DYNC2I2: variants seen among roughly 807,000 people sequenced by gnomAD.
DYNC2I2 encodes cytoplasmic dynein 2 intermediate chain 2.
DYNC2I2 carries 39 observed loss-of-function variants against 52.0 expected under a neutral mutation model. That is an observed-to-expected ratio of 0.75 (90% CI 0.58 to 0.98). The LOEUF is 0.98. DYNC2I2 is among the 50% of genes least tolerant of loss of function. DYNC2I2 has a pLI of 0.00. For synonymous variants in DYNC2I2, 359 were observed against 321.1 expected (o/e 1.12, Z -1.26); for missense variants, 743 against 728.4 (o/e 1.02, Z -0.23).
At chr9:128,679,259 C>A in the DYNC2I2 span, among the ~76,000 whole-genome samples, 1 of 151,960 alleles carries the variant, frequency 6.6e-6, no homozygotes, top group Non-Finnish European at 1.5e-5. Context: ...GCTCGCTTGC[C>A]CTTTGTAAAA....
chr9:128,665,872 A>G, the DYNC2I2 span, among the ~76,000 whole-genome samples: 1 of 148,942 alleles, frequency 6.7e-6, no homozygotes, highest in Non-Finnish European at 1.5e-5. Flanking sequence ...GGAGTTCAAC[A>G]CCACCCTGAC....
intron 1 of DYNC2I2, 50 bp downstream of exon 1, chr9:128,656,491 C>A (rs1394869438): frequency 1.6e-6 from 2 of 1,223,404 alleles, no homozygotes; most frequent in Non-Finnish European, 1.0e-6. Context: ...AGCCGCGCTG[C>A]GACCCCGCCT....
chr9:128,662,848 G>A, the DYNC2I2 span, among the ~76,000 whole-genome samples: 1 of 152,078 alleles, frequency 6.6e-6, no homozygotes, highest in Non-Finnish European at 1.5e-5. Flanking sequence ...ACAGGAGTGA[G>A]CCACTGCACC....
At chr9:128,673,124 C>T in the DYNC2I2 span, among the ~76,000 whole-genome samples, 1 of 152,158 alleles carries the variant, frequency 6.6e-6, no homozygotes, top group Non-Finnish European at 1.5e-5. Flanking sequence ...CAGGACTTAG[C>T]TGCTCAGATG....
rs893838509 is a variant in DYNC2I2 at position 128,650,961 on chromosome 9, C to A, written c.186+5580G>T. The A allele has an allele frequency of 1.7e-4, 10 of 58,498 alleles. 3 individuals are homozygous for A. The highest frequency in any genetic ancestry group is 3.4e-4 in the African/African-American group (10 of 29,470). The allele number at this position is 58,498 out of a possible 1,614,324, so 3.6% of individuals were successfully genotyped here. On this transcript the variant is annotated intron_variant, in intron 1 of 8. Coordinates refer to ENST00000372715, the MANE Select transcript of DYNC2I2 (RefSeq NM_052844.4). ...CCAGGCTAGGAGCACAACCGGCACC[C>A]AGAATCTGTCGCCGCTGCTTGAACA...
At position 128,656,706 on chromosome 9, in the gene DYNC2I2, C is replaced by A. The variant is rs771586181; in HGVS notation, c.21G>T (p.Pro7=). 1.5e-5 allele frequency: 21 copies of A among 1,436,392 alleles called. No homozygotes were observed. Among genetic ancestry groups the A allele is most frequent in the African/African-American group, 5.9e-5 (4 of 67,310 alleles). 89.0% of individuals were successfully genotyped at this position (1,436,392 alleles called of 1,614,324 possible). A position where few individuals can be genotyped will look rare whatever the true frequency, so the allele number is the denominator to read the frequency against. The change falls in exon 1 of 9, where the codon CCG becomes CCT. Residue 7 remains proline, a synonymous_variant. Coordinates refer to ENST00000372715, the MANE Select transcript of DYNC2I2 (RefSeq NM_052844.4). ...CGCTTCCCGCCTGGCTGAGTGGCCC[C>A]GGCTGCGCGCGGGTTGCCATGGAGA... MATRAQ[P]GPLSQAGSAG...
chr9:128,648,814 G>A (rs111322555), intron 1 of DYNC2I2, among the ~76,000 whole-genome samples: 4,163 of 77,954 alleles, frequency 0.053, 228 homozygotes, highest in African/African-American at 0.17. Flanking sequence ...AAAAAAAAAA[G>A]AGAGAGAGAA....
At chr9:128,656,220 CACAAA>C (rs984942870) in intron 1 of DYNC2I2, among the ~76,000 whole-genome samples, 2 of 149,494 alleles carry the variant, frequency 1.3e-5, no homozygotes, top group Admixed American at 1.3e-4. Context: ...AAAAAAAAAA[CACAAA>C]ACAAAACCAA....
chr9:128,648,648 A>AT (rs1860664720), intron 1 of DYNC2I2, among the ~76,000 whole-genome samples: 2 of 151,326 alleles, frequency 1.3e-5, no homozygotes, highest in Non-Finnish European at 2.9e-5. Flanking sequence ...AAAAAAAAAA[A>AT]AATTAGCCAA....
At chr9:128,682,672 CTT>C in the DYNC2I2 span, among the ~76,000 whole-genome samples, 107 of 120,618 alleles carry the variant, frequency 8.9e-4, no homozygotes, top group Non-Finnish European at 1.5e-3. Context: ...GGGACCTTGT[CTT>C]TTTTTTTTTT....
Position 128,634,674 on chromosome 9 carries a change from G to C in DYNC2I2, c.1214+15C>G. Reference sequence around the variant, plus strand: ...ACACCCTGGCCCCACTGTGCCCCAGGCCTGCCCTACGTACCTGTGGAAGGG... The same window carrying C: ...ACACCCTGGCCCCACTGTGCCCCAGCCCTGCCCTACGTACCTGTGGAAGGG... On this transcript the variant is annotated intron_variant, in intron 7 of 8. Transcript: ENST00000372715. 1 of 1,522,868 alleles carries C rather than the reference G, an allele frequency of 6.6e-7. No homozygotes were observed. Among genetic ancestry groups the C allele is most frequent in the Non-Finnish European group, 8.8e-7 (1 of 1,130,490 alleles). 94.3% of individuals were successfully genotyped at this position (1,522,868 alleles called of 1,614,324 possible). A position where few individuals can be genotyped will look rare whatever the true frequency, so the allele number is the denominator to read the frequency against.
chr9:128,684,323 C>T, the DYNC2I2 span, among the ~76,000 whole-genome samples: 3 of 152,112 alleles, frequency 2.0e-5, no homozygotes, highest in East Asian at 5.8e-4. Context: ...CCCTCCTTCA[C>T]CCCTCCACAT....
At chr9:128,673,101 C>A in the DYNC2I2 span, among the ~76,000 whole-genome samples, 1 of 152,166 alleles carries the variant, frequency 6.6e-6, no homozygotes, top group African/African-American at 2.4e-5. Context: ...AGGAAACAAT[C>A]ATGTATATGT....
At chr9:128,645,260 C>A (rs1860593113) in intron 1 of DYNC2I2, among the ~76,000 whole-genome samples, 1 of 151,994 alleles carries the variant, frequency 6.6e-6, no homozygotes, top group South Asian at 2.1e-4. Flanking sequence ...CTTTGGGAGG[C>A]CAAGGCGGGC....
chr9:128,677,021 T>C, the DYNC2I2 span, among the ~76,000 whole-genome samples: 2 of 151,946 alleles, frequency 1.3e-5, no homozygotes, highest in African/African-American at 2.4e-5. Context: ...GCTAATTTTT[T>C]GTATTTTTAG....
the DYNC2I2 span, among the ~76,000 whole-genome samples, chr9:128,664,343 C>T: frequency 6.6e-6 from 1 of 152,016 alleles, no homozygotes; most frequent in Non-Finnish European, 1.5e-5. Flanking sequence ...GGAAATATTA[C>T]CTTATTTTGT....
At position 128,634,071 on chromosome 9, in the gene DYNC2I2, T is replaced by G. The variant is rs1434445002; in HGVS notation, c.1373-89A>C. The G allele has an allele frequency of 2.6e-6, 4 of 1,561,576 alleles. No homozygotes were observed. The East Asian group carries it at 6.7e-5, about 26-fold the overall frequency. ...AGGCTAATGCCCGGGTTCAATCCTGTTGTGTGCAGCCACAGTGGCTTTGAG... is the reference window on the plus strand; with the variant it reads ...AGGCTAATGCCCGGGTTCAATCCTGGTGTGTGCAGCCACAGTGGCTTTGAG... On this transcript the variant is annotated intron_variant, in intron 8 of 8. Coordinates refer to ENST00000372715, the MANE Select transcript of DYNC2I2 (RefSeq NM_052844.4).
Position 128,636,346 on chromosome 9 carries a change from A to G in DYNC2I2, c.638T>C (p.Val213Ala). 6.2e-7 allele frequency: 1 copy of G among 1,605,188 alleles called. No homozygotes were observed. The highest frequency in any genetic ancestry group is 8.5e-7 in the Non-Finnish European group (1 of 1,176,324). ...RDLRPQQPSA[V>A]VEVPSAVLCL... ...CAGGACAGCGCTGGGGACCTCCACCACGGCCGACGGCTGCTGGGGACGCAG... is the reference window on the plus strand; with the variant it reads ...CAGGACAGCGCTGGGGACCTCCACCGCGGCCGACGGCTGCTGGGGACGCAG... The change falls in exon 4 of 9, where the codon GTG (valine) becomes GCG (alanine). Residue 213 changes from valine to alanine, a missense_variant. Physicochemically the swap from Val to Ala is moderately conservative, Grantham distance 64. Transcript: ENST00000372715.
rs1554770847 is a variant in DYNC2I2 at position 128,634,284 on chromosome 9, C to A, written c.1314G>T (p.Leu438=). 5.5e-5 allele frequency: 89 copies of A among 1,613,768 alleles called. No homozygotes were observed. The highest frequency in any genetic ancestry group is 8.5e-7 in the Non-Finnish European group (1 of 1,179,994). Reference sequence around the variant, plus strand: ...GCACTGGGGACCAGCGCACAGCAAACAGATACTTGAGGGAGAGCTGCAGCG... The same window carrying A: ...GCACTGGGGACCAGCGCACAGCAAAAAGATACTTGAGGGAGAGCTGCAGCG... ...LTSLQLSLKY[L]FAVRWSPVRP... is the part of the protein sequence containing the mutation. Residue 438 remains leucine, a synonymous_variant, in exon 8 of 9, where the codon CTG becomes CTT. Transcript: ENST00000372715.
Sources: allele counts gnomAD v4.1 joint callset (sites outside exome capture counted in the v4.1 genomes callset), GRCh38; gene constraint gnomAD v4.1.1; transcripts MANE v1.5; gene names NCBI Gene and HGNC (gene_info 2026-07-23, HGNC 2026-07-21).